Variants in CTNND2 observed in about 807,000 individuals in gnomAD.
CTNND2 encodes the protein catenin delta-2.
Under a neutral mutation model 144.4 loss-of-function variants are expected in CTNND2, and 22 were observed. That is an observed-to-expected ratio of 0.15 (90% confidence interval 0.11 to 0.22). CTNND2 has a LOEUF of 0.22. CTNND2 is among the 10% of genes least tolerant of loss of function. The pLI is 1.00. For synonymous variants in CTNND2, 751 were observed against 695.6 expected, an observed-to-expected ratio of 1.08 and a Z score of -1.25; for missense variants, 1,353 against 1,618.8, an observed-to-expected ratio of 0.84 and a Z score of 2.82.
At chr5:11,756,532 A>G (rs1429440966) in intron 1 of CTNND2, among the ~76,000 whole-genome samples, 1 of 151,680 alleles carries the variant, frequency 6.6e-6, no homozygotes, top group African/African-American at 2.4e-5. Flanking sequence ...CTCAGCAGTC[A>G]TATTTTATGG....
intron 18 of CTNND2, among the ~76,000 whole-genome samples, chr5:11,006,911 C>T (rs1198141087): frequency 6.6e-6 from 1 of 152,032 alleles, no homozygotes; most frequent in African/African-American, 2.4e-5. Flanking sequence ...GGAAAATGGA[C>T]AATGTCAGGA....
chr5:11,302,788 G>A (rs1466036298), intron 9 of CTNND2, among the ~76,000 whole-genome samples: 2 of 152,122 alleles, frequency 1.3e-5, no homozygotes, highest in Non-Finnish European at 2.9e-5. Flanking sequence ...GCAAATAGAG[G>A]ATGTAAATAA....
intron 16 of CTNND2, among the ~76,000 whole-genome samples, chr5:11,081,442 A>C (rs1050616927): frequency 1.1e-4 from 17 of 152,214 alleles, no homozygotes; most frequent in South Asian, 4.2e-4. Flanking sequence ...TAGGACCAGA[A>C]GTGTTTTCGG....
At chr5:11,850,252 A>C (rs1217712065) in intron 1 of CTNND2, among the ~76,000 whole-genome samples, 1 of 152,146 alleles carries the variant, frequency 6.6e-6, no homozygotes, top group Non-Finnish European at 1.5e-5. Flanking sequence ...CACTCCACCC[A>C]AAACTCCATG....
intron 2 of CTNND2, among the ~76,000 whole-genome samples, chr5:11,706,601 C>T (rs554054428): frequency 2.0e-5 from 3 of 152,234 alleles, no homozygotes; most frequent in South Asian, 2.1e-4. Context: ...TGCCCTGGCC[C>T]GCAGGCATCC....
At chr5:11,195,825 C>A (rs780384375) in intron 11 of CTNND2, among the ~76,000 whole-genome samples, 2 of 152,178 alleles carry the variant, frequency 1.3e-5, no homozygotes, top group Non-Finnish European at 2.9e-5. Context: ...GGACGTGCAG[C>A]ATTTCTAATC....
chr5:11,732,682 C>T (rs61763022), intron 1 of CTNND2, among the ~76,000 whole-genome samples: 3,975 of 152,234 alleles, frequency 0.026, 84 homozygotes, highest in Non-Finnish European at 0.036. Flanking sequence ...GCTGTTATTA[C>T]ATGTTTCCTC....
chr5:11,776,456 GGTAA>G (rs1326310096), intron 1 of CTNND2, among the ~76,000 whole-genome samples: 2 of 152,074 alleles, frequency 1.3e-5, no homozygotes, highest in Non-Finnish European at 2.9e-5. Flanking sequence ...CAGAGAAGGG[GGTAA>G]GTAATAGATG....
chr5:11,174,050 T>C (rs763277729), intron 11 of CTNND2, among the ~76,000 whole-genome samples: 1 of 152,132 alleles, frequency 6.6e-6, no homozygotes, highest in Non-Finnish European at 1.5e-5. Context: ...TAACACTGGC[T>C]GGCTGGCAGC....
At chr5:11,882,006 T>A (rs1277732942) in intron 1 of CTNND2, among the ~76,000 whole-genome samples, 1 of 152,102 alleles carries the variant, frequency 6.6e-6, no homozygotes, top group Non-Finnish European at 1.5e-5. Context: ...CATTTTTTCA[T>A]GTACCTGTTA....
intron 1 of CTNND2, among the ~76,000 whole-genome samples, chr5:11,812,814 A>G (rs1313665563): frequency 6.6e-6 from 1 of 152,178 alleles, no homozygotes; most frequent in Non-Finnish European, 1.5e-5. Context: ...GCTGGGAACC[A>G]CACAAAAAAA....
intron 1 of CTNND2, among the ~76,000 whole-genome samples, chr5:11,777,325 T>C (rs1790311673): frequency 6.6e-6 from 1 of 152,234 alleles, no homozygotes; most frequent in Non-Finnish European, 1.5e-5. Flanking sequence ...TGCCCATGAC[T>C]AGAACCATCA....
rs779779196 is a variant in CTNND2, at chr5:11,159,593, G to A, written c.2142C>T (p.Asn714=). 3.8e-5 allele frequency: 62 copies of A among 1,611,338 alleles called. No individual in the cohort carries two copies. The Admixed American group carries it at 6.4e-4, about 17-fold the overall frequency. ...IQLHSSQVLR[N]ATGCLRNVSS... ...GGACTGACCTTAGGCACCCGGTGGC[G>A]TTACGCAGCACCTGTGATGAATGCA... Residue 714 remains asparagine (N), a synonymous_variant, in exon 12 of 22, where the codon AAC becomes AAT. Coordinates refer to ENST00000304623, the MANE Select transcript of CTNND2 (RefSeq NM_001332.4).
intron 3 of CTNND2, among the ~76,000 whole-genome samples, chr5:11,486,249 C>T (rs1768809742): frequency 6.6e-6 from 1 of 152,064 alleles, no homozygotes; most frequent in South Asian, 2.1e-4. Flanking sequence ...TCCAGTAGAT[C>T]ACACTAGGTG....
intron 2 of CTNND2, among the ~76,000 whole-genome samples, chr5:11,600,891 G>T (rs1779757505): frequency 6.6e-6 from 1 of 151,700 alleles, no homozygotes; most frequent in Non-Finnish European, 1.5e-5. Flanking sequence ...AGTAGACATT[G>T]TGAAGTCATC....
chr5:11,551,982 G>A (rs911407930), intron 3 of CTNND2, among the ~76,000 whole-genome samples: 1 of 151,858 alleles, frequency 6.6e-6, no homozygotes, highest in African/African-American at 2.4e-5. Flanking sequence ...TGATCCCCCT[G>A]GCCTCAAGTG....
intron 21 of CTNND2, among the ~76,000 whole-genome samples, chr5:10,980,376 A>T (rs1737075143): frequency 6.6e-6 from 1 of 152,222 alleles, no homozygotes; most frequent in South Asian, 2.1e-4. Flanking sequence ...CAGAATGGCG[A>T]TCATTAAAAA....
intron 10 of CTNND2, among the ~76,000 whole-genome samples, chr5:11,206,148 T>C (rs2149838327): frequency 6.6e-6 from 1 of 152,320 alleles, no homozygotes; most frequent in African/African-American, 2.4e-5. Context: ...TGTTGATATG[T>C]GATAGTGAAA....
At position 11,124,275 on chromosome 5, in the gene CTNND2, T is replaced by C. The variant is rs559777640; in HGVS notation, c.2160-6708A>G. Among the ~76,000 whole-genome samples, 7 of 152,294 alleles carry C rather than the reference T, an allele frequency of 4.6e-5. No homozygotes were observed. The East Asian group carries it at 1.4e-3, about 29-fold the overall frequency. The stretch of plus-strand genomic sequence containing the variant: ...ATTAGCAGCCAAATCGATTATCAAG[T>C]ATTAATTACACGTAAAAATGCAAAA... On this transcript the variant is annotated intron_variant, in intron 12 of 21. Coordinates refer to ENST00000304623, the MANE Select transcript of CTNND2 (RefSeq NM_001332.4).
Sources: allele counts gnomAD v4.1 joint callset (sites outside exome capture counted in the v4.1 genomes callset), GRCh38; gene constraint gnomAD v4.1.1; transcripts MANE v1.5; gene names NCBI Gene and HGNC (gene_info 2026-07-23, HGNC 2026-07-21).